The following RNASEH2B variants were observed in gnomAD, a reference collection of about 807,000 sequenced individuals.
The protein encoded by RNASEH2B is ribonuclease H2 subunit B.
A neutral mutation model predicts 45.0 loss-of-function variants in RNASEH2B; 36 were observed. The ratio of observed to expected loss-of-function variants is 0.80; its 90% CI spans 0.61 to 1.06. RNASEH2B has a LOEUF of 1.06. Among genes scored for constraint, RNASEH2B ranks in the 50% least tolerant of loss-of-function variants. RNASEH2B has a pLI of 0.00. For missense variants in RNASEH2B, 361 were observed against 360.3 expected (o/e 1.00, Z -0.02); for synonymous variants, 119 against 125.7 (o/e 0.95, Z 0.35).
At chr13:50,933,297 T>A (rs1951705492) in intron 4 of RNASEH2B, among the ~76,000 whole-genome samples, 1 of 152,212 alleles carries the variant, frequency 6.6e-6, no homozygotes, top group Non-Finnish European at 1.5e-5. Flanking sequence ...ATTAACCCTG[T>A]CTTGGCACTC....
At chr13:50,960,223 A>G, downstream of RNASEH2B, 3 of 717,796 alleles carry the variant, frequency 4.2e-6, no homozygotes, top group Non-Finnish European at 5.8e-6. Flanking sequence ...AGTTTACTAA[A>G]CTATTAATGG....
At chr13:50,962,566 A>G (rs1003243408) in intron 9 of RNASEH2B, among the ~76,000 whole-genome samples, 1 of 151,944 alleles carries the variant, frequency 6.6e-6, no homozygotes, top group Non-Finnish European at 1.5e-5. Context: ...TTCATACCTG[A>G]TGTTGGTCAT....
At chr13:50,914,386 G>T (rs1038240333) in intron 1 of RNASEH2B, among the ~76,000 whole-genome samples, 2 of 152,198 alleles carry the variant, frequency 1.3e-5, no homozygotes, top group African/African-American at 4.8e-5. Context: ...ACATGATAGA[G>T]AACCTGGCCA....
chr13:50,954,097 A>G (rs970403543), intron 10 of RNASEH2B, 112 bp downstream of exon 10: 1 of 737,228 alleles, frequency 1.4e-6, no homozygotes. Context: ...ACCAGGAAGA[A>G]TTATTAACTT....
intron 1 of RNASEH2B, among the ~76,000 whole-genome samples, chr13:50,915,072 G>A (rs1159928348): frequency 6.6e-6 from 1 of 152,132 alleles, no homozygotes; most frequent in African/African-American, 2.4e-5. Flanking sequence ...CAGTCTCATG[G>A]GGTTGTTATC....
chr13:50,962,498 G>C (rs1046036328), intron 9 of RNASEH2B, among the ~76,000 whole-genome samples: 1 of 151,898 alleles, frequency 6.6e-6, no homozygotes, highest in African/African-American at 2.4e-5. Context: ...GGCATAAGTT[G>C]TTCATCACAT....
chr13:50,948,189 T>C (rs1199316489), intron 8 of RNASEH2B, 121 bp downstream of exon 8: 3 of 1,487,200 alleles, frequency 2.0e-6, no homozygotes, highest in Non-Finnish European at 1.8e-6. Context: ...TCTTCAGCTA[T>C]GTCATATACT....
intron 2 of RNASEH2B, 86 bp from the exon 3 acceptor site, chr13:50,929,389 G>C: frequency 1.2e-6 from 1 of 827,202 alleles, no homozygotes; most frequent in East Asian, 2.6e-5. Flanking sequence ...ACATTCGTCA[G>C]AGATACTGGA....
At position 50,964,131 on chromosome 13, in the gene RNASEH2B, G is replaced by A. The variant is rs186478325; in HGVS notation, c.742-5801G>A. Reference sequence around the variant, plus strand: ...GGAGAATCACTTGAACCCAGGAGGTGGAGGTTGCAGTGAGCCGAGATCACA... The same window carrying A: ...GGAGAATCACTTGAACCCAGGAGGTAGAGGTTGCAGTGAGCCGAGATCACA... On this transcript the variant is annotated intron_variant, in intron 9 of 9. Transcript: ENST00000422660. Among the ~76,000 whole-genome samples the A allele has an allele frequency of 2.6e-3, 390 of 151,360 alleles. 3 individuals carry two copies. The highest frequency in any genetic ancestry group is 3.0e-3 in the Non-Finnish European group (205 of 67,758).
At chr13:50,932,745 G>A (rs1023694455) in intron 4 of RNASEH2B, among the ~76,000 whole-genome samples, 7 of 152,052 alleles carry the variant, frequency 4.6e-5, no homozygotes, top group African/African-American at 9.7e-5. Flanking sequence ...GGTTTTTTTG[G>A]ACTCTCATGT....
intron 5 of RNASEH2B, chr13:50,942,870 C>T (rs556791360): frequency 1.9e-5 from 3 of 160,612 alleles, no homozygotes; most frequent in South Asian, 1.8e-4. Context: ...GGGGTTTCCA[C>T]GTTAGACATA....
Position 50,909,802 on chromosome 13 carries a change from C to T in RNASEH2B, c.-275C>T. On this transcript the variant is annotated 5_prime_UTR_variant, in exon 1 of 11. Transcript: ENST00000336617. ...GATGAGCACCTACCACTAGCGGAGC[C>T]GCGAGGGAGAGGCCGCGGCCCCTTC... The T allele has an allele frequency of 2.7e-6, 1 of 366,628 alleles. No homozygotes were observed. Among genetic ancestry groups the T allele is most frequent in the East Asian group, 4.8e-5 (1 of 21,020 alleles). 22.7% of individuals were successfully genotyped at this position (366,628 alleles called of 1,614,324 possible). A position where few individuals can be genotyped will look rare whatever the true frequency, so the allele number is the denominator to read the frequency against.
chr13:50,909,755 C>A, upstream of RNASEH2B: 2 of 254,630 alleles, frequency 7.9e-6, no homozygotes, highest in South Asian at 1.7e-4. Flanking sequence ...CGCTCCGCGT[C>A]ACTCGGCGCC....
chr13:50,940,760 T>C (rs1268885924), intron 5 of RNASEH2B: 1 of 152,208 alleles, frequency 6.6e-6, no homozygotes, highest in Non-Finnish European at 1.5e-5. Flanking sequence ...TACAGTTGAC[T>C]TTGGAGGAGG....
intron 7 of RNASEH2B, among the ~76,000 whole-genome samples, chr13:50,947,620 A>G (rs1194795189): frequency 6.6e-6 from 1 of 152,148 alleles, no homozygotes; most frequent in Admixed American, 6.6e-5. Flanking sequence ...TTTAAAAAAG[A>G]CATGACTATT....
intron 1 of RNASEH2B, among the ~76,000 whole-genome samples, chr13:50,917,079 A>G (rs1010850324): frequency 6.6e-6 from 1 of 152,146 alleles, no homozygotes; most frequent in Admixed American, 6.5e-5. Context: ...AAACCTTTCA[A>G]AACAGCCTTC....
intron 1 of RNASEH2B, among the ~76,000 whole-genome samples, chr13:50,918,294 T>A (rs1460488895): frequency 6.6e-6 from 1 of 152,072 alleles, no homozygotes; most frequent in African/African-American, 2.4e-5. Context: ...CCCGCCACCA[T>A]GCCCAGCTAA....
At chr13:50,914,343 C>T (rs1879611370) in intron 1 of RNASEH2B, among the ~76,000 whole-genome samples, 2 of 152,156 alleles carry the variant, frequency 1.3e-5, no homozygotes. Context: ...CCGAAAGCTT[C>T]CTTATTTTCA....
rs1951648776 is a variant in RNASEH2B at position 50,929,484 on chromosome 13, C to T, written c.146C>T (p.Ala49Val). ...AGATTTGTCTTAACAGGAGAAGGAG[C>T]CATTTACTTGTTCAATATGTGTCTA... ...KLVNPCSGEG[A>V]IYLFNMCLQQ... Residue 49 changes from alanine to valine, a missense_variant, in exon 3 of 11, where the codon GCC (alanine) becomes GTC (valine). Transcript: ENST00000336617. 10 of 1,609,648 alleles carry T rather than the reference C, an allele frequency of 6.2e-6. No homozygotes were observed. Among genetic ancestry groups the T allele is most frequent in the Non-Finnish European group, 8.5e-6 (10 of 1,176,316 alleles).
Sources: gnomAD v4.1 joint callset for allele counts (sites outside exome capture counted in the v4.1 genomes callset) on GRCh38, gnomAD v4.1.1 for gene constraint, MANE v1.5 for transcripts, NCBI Gene and HGNC (gene_info 2026-07-23, HGNC 2026-07-21) for gene names.